The following BBS9 variants were observed in gnomAD, a reference collection of about 807,000 sequenced individuals.
The protein encoded by BBS9 is protein PTHB1.
Under a neutral mutation model 117.7 loss-of-function variants are expected in BBS9, and 89 were observed. The ratio of observed to expected loss-of-function variants is 0.76; its 90% CI spans 0.64 to 0.90. The LOEUF (loss-of-function observed/expected upper bound fraction) is 0.90. Ranked by LOEUF, BBS9 falls within the 40% of genes least tolerant of loss-of-function variation. BBS9 has a pLI of 0.00. For missense variants in BBS9, 982 were observed against 1,042.2 expected (o/e 0.94, Z 0.80); for synonymous variants, 379 against 370.9 (o/e 1.02, Z -0.25).
At position 33,383,760 on chromosome 7, in the gene BBS9, A is replaced by T; in HGVS notation, c.1884A>T (p.Gly628=). The T allele has an allele frequency of 1.2e-6, 2 of 1,613,024 alleles. No individual in the cohort carries two copies. Among genetic ancestry groups the T allele is most frequent in the Non-Finnish European group, 1.7e-6 (2 of 1,179,732 alleles). The change falls in exon 18 of 23, where the codon GGA becomes GGT. Residue 628 remains glycine (G), a synonymous_variant. Transcript: ENST00000242067. Reference sequence around the variant, plus strand: ...TTCAAGAATATTTTGAAAAACAGGGAGTCAAAGATTTTGCATGTTCTTTTT... The same window carrying T: ...TTCAAGAATATTTTGAAAAACAGGGTGTCAAAGATTTTGCATGTTCTTTTT... The part of the protein sequence containing the change: ...LRLQEYFEKQ[G]VKDFACSFSG...
At chr7:33,316,195 T>C (rs543258485) in intron 9 of BBS9, among the ~76,000 whole-genome samples, 39 of 152,334 alleles carry the variant, frequency 2.6e-4, no homozygotes, top group African/African-American at 8.2e-4. Flanking sequence ...TAAAACTTTA[T>C]GTAAGTGGGA....
intron 21 of BBS9, among the ~76,000 whole-genome samples, chr7:33,625,773 A>T (rs190930263): frequency 1.1e-3 from 166 of 152,294 alleles, no homozygotes; most frequent in Non-Finnish European, 1.9e-3. Context: ...CGGTCATAAG[A>T]TATGCTTAAC....
At chr7:33,632,810 G>A (rs1420030922) in intron 21 of BBS9, among the ~76,000 whole-genome samples, 1 of 152,158 alleles carries the variant, frequency 6.6e-6, no homozygotes, top group African/African-American at 2.4e-5. Flanking sequence ...TTAAAAAAAA[G>A]GAAATACAGA....
intron 5 of BBS9, among the ~76,000 whole-genome samples, chr7:33,200,231 G>C (rs117722687): frequency 6.6e-6 from 1 of 151,950 alleles, no homozygotes; most frequent in Admixed American, 6.6e-5. Context: ...TCTATTTCTT[G>C]TTCTACCAAC....
chr7:33,410,026 A>C (rs1212331517), intron 19 of BBS9, among the ~76,000 whole-genome samples: 1 of 152,018 alleles, frequency 6.6e-6, no homozygotes, highest in Non-Finnish European at 1.5e-5. Context: ...TGTGAAATTT[A>C]CTTATATTAT....
chr7:33,344,419 C>CA (rs1293800567), intron 11 of BBS9, among the ~76,000 whole-genome samples, 162 bp from the exon 12 acceptor site: 1 of 152,112 alleles, frequency 6.6e-6, no homozygotes, highest in Non-Finnish European at 1.5e-5. Flanking sequence ...ACGAAGGCAT[C>CA]AAAAAAGCCA....
intron 19 of BBS9, 26 bp downstream of exon 19, chr7:33,388,170 T>C: frequency 6.2e-7 from 1 of 1,611,088 alleles, no homozygotes; most frequent in East Asian, 2.2e-5. Flanking sequence ...GTAACAGTTT[T>C]CTATTACTGG....
chr7:33,327,010 G>T (rs1300888791), intron 9 of BBS9, among the ~76,000 whole-genome samples: 1 of 152,022 alleles, frequency 6.6e-6, no homozygotes, highest in African/African-American at 2.4e-5. Flanking sequence ...TAAGTCTTTT[G>T]CCCTCCATGT....
At chr7:33,214,960 A>G (rs1249963881) in intron 5 of BBS9, among the ~76,000 whole-genome samples, 1 of 152,188 alleles carries the variant, frequency 6.6e-6, no homozygotes, top group Admixed American at 6.5e-5. Flanking sequence ...TTGGGAGGCC[A>G]AGGCGGGCGA....
At chr7:33,505,723 C>G (rs1585053860) in intron 20 of BBS9, 78 bp downstream of exon 20, 1 of 1,462,548 alleles carries the variant, frequency 6.8e-7, no homozygotes, top group Non-Finnish European at 9.4e-7. Context: ...ACATGGCTAT[C>G]AGGTTTTCTA....
At chr7:33,552,148 T>A (rs991707025) in intron 21 of BBS9, among the ~76,000 whole-genome samples, 14 of 152,318 alleles carry the variant, frequency 9.2e-5, no homozygotes, top group Non-Finnish European at 1.6e-4. Flanking sequence ...TTGAGTTTTT[T>A]ATTTTTATAT....
intron 19 of BBS9, among the ~76,000 whole-genome samples, chr7:33,444,459 T>C (rs1271001625): frequency 2.6e-5 from 4 of 152,240 alleles, no homozygotes; most frequent in Non-Finnish European, 5.9e-5. Context: ...AATGAACAGC[T>C]TAATCAGTTC....
In BBS9 at chr7:33,276,566, A is replaced by T. The variant is rs527476697; in HGVS notation, c.1016+2610A>T. Among the ~76,000 whole-genome samples the T allele has an allele frequency of 4.6e-5, 7 of 152,300 alleles. No individual in the cohort carries two copies. The South Asian group carries it at 1.2e-3, about 27-fold the overall frequency. On this transcript the variant is annotated intron_variant, in intron 9 of 22. Transcript: ENST00000242067. ...GCTGTCAGATCATTTACAGGGGGGAAGTTGGAATAGTAGCTGGTGTTACAG... is the reference window on the plus strand; with the variant it reads ...GCTGTCAGATCATTTACAGGGGGGATGTTGGAATAGTAGCTGGTGTTACAG...
rs765425062 is a variant in BBS9 at position 33,411,011 on chromosome 7, G to GTTTTTTTTTTTTTTT, written c.2115+22873_2115+22887dup. Among the ~76,000 whole-genome samples, 23 of 96,424 alleles carry GTTTTTTTTTTTTTTT rather than the reference G, an allele frequency of 2.4e-4. 1 individual carries two copies. The highest frequency in any genetic ancestry group is 7.5e-4 in the African/African-American group (22 of 29,316). The allele number at this position is 96,424 out of a possible 152,430, so 63.3% of individuals were successfully genotyped here. On this transcript the variant is annotated intron_variant, in intron 19 of 22. Coordinates refer to ENST00000242067, the MANE Select transcript of BBS9 (RefSeq NM_198428.3). ...CCACAGAAGAACTTAAAATGTTGGT[G>GTTTTTTTTTTTTTTT]TTTTTTTTTTTTTTTTTTTTGCTTT...
intron 12 of BBS9, among the ~76,000 whole-genome samples, chr7:33,347,035 G>C (rs1046502195): frequency 1.3e-5 from 2 of 152,060 alleles, no homozygotes; most frequent in Admixed American, 1.3e-4. Flanking sequence ...TAAAGGCATG[G>C]GCTCAGGATT....
At chr7:33,525,845 G>C (rs1353187978) in intron 20 of BBS9, among the ~76,000 whole-genome samples, 2 of 149,822 alleles carry the variant, frequency 1.3e-5, no homozygotes, top group Admixed American at 1.3e-4. Flanking sequence ...TCCTAGTCTC[G>C]ATGGTCTTTA....
intron 5 of BBS9, among the ~76,000 whole-genome samples, chr7:33,185,866 T>C (rs1424903226): frequency 2.0e-5 from 3 of 152,182 alleles, no homozygotes; most frequent in Non-Finnish European, 4.4e-5. Flanking sequence ...GTGCAGTATT[T>C]TGTGTGTGCG....
At chr7:33,309,361 A>G (rs971006927) in intron 9 of BBS9, among the ~76,000 whole-genome samples, 3 of 147,132 alleles carry the variant, frequency 2.0e-5, no homozygotes, top group Non-Finnish European at 3.0e-5. Context: ...TCAAATTATA[A>G]CACGTTTGAC....
chr7:33,278,609 T>C (rs1801228614), intron 9 of BBS9, among the ~76,000 whole-genome samples: 1 of 152,206 alleles, frequency 6.6e-6, no homozygotes, highest in African/African-American at 2.4e-5. Flanking sequence ...TTGTATTTGA[T>C]GAAGGCAAAC....
Sources: gnomAD v4.1 joint callset for allele counts (sites outside exome capture counted in the v4.1 genomes callset) on GRCh38, gnomAD v4.1.1 for gene constraint, MANE v1.5 for transcripts, NCBI Gene and HGNC (gene_info 2026-07-23, HGNC 2026-07-21) for gene names.